ADAMTSL1: variants seen among roughly 807,000 people sequenced by gnomAD.
ADAMTSL1 encodes the protein ADAMTS-like protein 1.
Under a neutral mutation model 201.8 loss-of-function variants are expected in ADAMTSL1, and 126 were observed. The ratio of observed to expected loss-of-function variants is 0.62; its 90% CI spans 0.54 to 0.72. The LOEUF (loss-of-function observed/expected upper bound fraction) is 0.72, where lower values mean the gene tolerates loss of function less well. ADAMTSL1 is among the 30% of genes least tolerant of loss of function. The pLI, the probability that ADAMTSL1 is intolerant of heterozygous loss-of-function variation, is 0.00. For missense variants in ADAMTSL1, 2,679 were observed against 2,277.8 expected (o/e 1.18, Z -3.59); for synonymous variants, 1,121 against 903.4 (o/e 1.24, Z -4.32).
chr9:18,445,635 T>C (rs1032083006), intron 2 of ADAMTSL1, among the ~76,000 whole-genome samples: 21 of 151,960 alleles, frequency 1.4e-4, no homozygotes, highest in African/African-American at 4.6e-4. Context: ...AAAAAGAAAA[T>C]ACTAACCAAG....
intron 1 of ADAMTSL1, among the ~76,000 whole-genome samples, chr9:18,044,649 C>T (rs1821581683): frequency 6.6e-6 from 1 of 152,114 alleles, no homozygotes; most frequent in Admixed American, 6.6e-5. Context: ...CATTTGAGTT[C>T]AAACTGCCAG....
chr9:18,725,010 C>A (rs1296014863), intron 15 of ADAMTSL1, among the ~76,000 whole-genome samples: 2 of 152,004 alleles, frequency 1.3e-5, no homozygotes, highest in African/African-American at 4.8e-5. Flanking sequence ...GGGTTTACAC[C>A]ATTCTCCTGC....
intron 5 of ADAMTSL1, among the ~76,000 whole-genome samples, chr9:18,622,786 A>G (rs913669372): frequency 1.3e-5 from 2 of 152,312 alleles, no homozygotes; most frequent in Middle Eastern, 6.8e-3. Context: ...CTTCATTTAC[A>G]AGGTGGTCTT....
At position 17,947,576 on chromosome 9, in the gene ADAMTSL1, T is replaced by C. The variant is rs139871889; in HGVS notation, c.87+40654T>C. On this transcript the variant is annotated intron_variant, in intron 1 of 29. Coordinates refer to the ADAMTSL1 transcript ENST00000680146. ...TTTTAAACTGAATTTGCAATTGCAG[T>C]TGCAATTGCAATATTGTCCGCCACT... is the stretch of plus-strand genomic sequence containing the variant. Among the ~76,000 whole-genome samples, 55 of 152,240 alleles carry C rather than the reference T, an allele frequency of 3.6e-4. No homozygotes were observed. In the East Asian group the frequency reaches 9.9e-3, roughly 27 times the overall value.
chr9:18,136,263 T>C (rs1175077385), intron 1 of ADAMTSL1, among the ~76,000 whole-genome samples: 1 of 152,164 alleles, frequency 6.6e-6, no homozygotes, highest in Non-Finnish European at 1.5e-5. Context: ...GTCAGAGGTG[T>C]GCATTGGGAT....
chr9:18,653,457 G>C (rs1464486035), intron 7 of ADAMTSL1, among the ~76,000 whole-genome samples: 1 of 152,116 alleles, frequency 6.6e-6, no homozygotes, highest in Admixed American at 6.5e-5. Context: ...CTACTCAAGG[G>C]TTGTGGGCAG....
chr9:18,194,689 A>C (rs1237854524), intron 2 of ADAMTSL1, among the ~76,000 whole-genome samples: 1 of 152,104 alleles, frequency 6.6e-6, no homozygotes, highest in East Asian at 1.9e-4. Flanking sequence ...AGGACTGTAC[A>C]AATTGATATT....
chr9:18,558,695 T>A (rs1230381936), intron 3 of ADAMTSL1, among the ~76,000 whole-genome samples: 2 of 152,222 alleles, frequency 1.3e-5, no homozygotes, highest in Non-Finnish European at 2.9e-5. Flanking sequence ...TTTTTAATGT[T>A]CACCATTCTA....
At chr9:18,049,110 G>A (rs552158982) in intron 1 of ADAMTSL1, among the ~76,000 whole-genome samples, 36 of 152,118 alleles carry the variant, frequency 2.4e-4, no homozygotes, top group African/African-American at 8.2e-4. Context: ...CTCTTATAAG[G>A]ACACCAGTCA....
chr9:18,042,739 T>G (rs1359789295), intron 1 of ADAMTSL1, among the ~76,000 whole-genome samples: 1 of 152,174 alleles, frequency 6.6e-6, no homozygotes, highest in Non-Finnish European at 1.5e-5. Flanking sequence ...CATGAAAGCC[T>G]GAGTTATAAC....
intron 1 of ADAMTSL1, among the ~76,000 whole-genome samples, chr9:18,479,438 A>C (rs1287363004): frequency 6.6e-6 from 1 of 152,188 alleles, no homozygotes; most frequent in Non-Finnish European, 1.5e-5. Context: ...CTCATGAAGT[A>C]ATTGTAACCT....
At chr9:18,013,681 AACAGC>A (rs1376931828) in intron 1 of ADAMTSL1, among the ~76,000 whole-genome samples, 2 of 152,054 alleles carry the variant, frequency 1.3e-5, no homozygotes, top group Admixed American at 1.3e-4. Context: ...TATGAAAAAT[AACAGC>A]ACTTAGCCAA....
At chr9:18,528,756 T>A (rs757843535) in intron 2 of ADAMTSL1, among the ~76,000 whole-genome samples, 1 of 152,342 alleles carries the variant, frequency 6.6e-6, no homozygotes. Flanking sequence ...GAGTTCATAA[T>A]TGATATAGTT....
At chr9:18,740,953 A>G (rs1018021307) in intron 15 of ADAMTSL1, among the ~76,000 whole-genome samples, 3 of 152,096 alleles carry the variant, frequency 2.0e-5, no homozygotes, top group Admixed American at 1.3e-4. Flanking sequence ...AATTTTAGGA[A>G]GCCATTGATG....
At chr9:18,134,965 T>G (rs1826097302) in intron 1 of ADAMTSL1, among the ~76,000 whole-genome samples, 1 of 152,134 alleles carries the variant, frequency 6.6e-6, no homozygotes, top group Non-Finnish European at 1.5e-5. Context: ...TGATATTTCA[T>G]CTGGGTAATT....
At chr9:18,153,149 TC>T (rs1826992777) in intron 1 of ADAMTSL1, among the ~76,000 whole-genome samples, 1 of 152,214 alleles carries the variant, frequency 6.6e-6, no homozygotes. Context: ...GAGCTTGCAG[TC>T]AGCTATGATC....
chr9:18,083,200 G>A (rs1166491695), intron 1 of ADAMTSL1, among the ~76,000 whole-genome samples: 1 of 152,130 alleles, frequency 6.6e-6, no homozygotes, highest in East Asian at 1.9e-4. Flanking sequence ...AGGTTTTTAG[G>A]GCCATTGAAA....
chr9:18,274,796 C>T (rs2132598100), intron 2 of ADAMTSL1, among the ~76,000 whole-genome samples: 1 of 152,280 alleles, frequency 6.6e-6, no homozygotes, highest in African/African-American at 2.4e-5. Context: ...TTCATTATAT[C>T]ATCCTGTTTG....
intron 3 of ADAMTSL1, among the ~76,000 whole-genome samples, chr9:18,561,045 T>C (rs980432917): frequency 2.6e-5 from 4 of 152,138 alleles, no homozygotes; most frequent in African/African-American, 9.7e-5. Flanking sequence ...TATCTTCTGC[T>C]AGCTTTTGAA....
Sources: gnomAD v4.1 joint callset for allele counts (sites outside exome capture counted in the v4.1 genomes callset) on GRCh38, gnomAD v4.1.1 for gene constraint, MANE v1.5 for transcripts, NCBI Gene and HGNC (gene_info 2026-07-23, HGNC 2026-07-21) for gene names.